The following MTR variants were observed in gnomAD, a reference collection of about 807,000 sequenced individuals.
MTR encodes 5-methyltetrahydrofolate-homocysteine methyltransferase, also known as methionine synthase.
In MTR, 84 loss-of-function variants were observed where a neutral mutation model predicts 154.8. That is an observed-to-expected ratio of 0.54 (90% CI 0.45 to 0.65). The LOEUF (loss-of-function observed/expected upper bound fraction) is 0.65. Ranked by LOEUF, MTR falls within the 30% of genes least tolerant of loss-of-function variation. The pLI is 0.00. For missense variants in MTR, 1,275 were observed against 1,570.2 expected (o/e 0.81, Z 3.18); for synonymous variants, 554 against 553.9 (o/e 1.00, Z 0.00).
In MTR at chr1:236,825,266, C is replaced by G; in HGVS notation, c.866-72C>G. 3 of 1,030,778 alleles carry G rather than the reference C, an allele frequency of 2.9e-6. No individual in the cohort carries two copies. The South Asian group carries it at 3.8e-5, about 13-fold the overall frequency. 63.9% of individuals were successfully genotyped at this position (1,030,778 alleles called of 1,614,324 possible). A position where few individuals can be genotyped will look rare whatever the true frequency, so the allele number is the denominator to read the frequency against. On this transcript the variant is annotated intron_variant, in intron 9 of 32. Transcript: ENST00000366577. ...AAATATAAAATTATATAGTTATTAACATAAAGTCTTTAAAAATACAGTGTA... is the reference window on the plus strand; with the variant it reads ...AAATATAAAATTATATAGTTATTAAGATAAAGTCTTTAAAAATACAGTGTA...
intron 18 of MTR, 85 bp downstream of exon 18, chr1:236,853,173 A>G: frequency 7.2e-7 from 1 of 1,396,324 alleles, no homozygotes; most frequent in Non-Finnish European, 1.0e-6. Context: ...TTCATGGTGG[A>G]ATAGAAGCAA....
Position 236,812,597 on chromosome 1 carries a change from T to G in MTR, c.503-141T>G, listed in dbSNP as rs564197066. On this transcript the variant is annotated intron_variant, in intron 5 of 32. Coordinates refer to ENST00000366577, the MANE Select transcript of MTR (RefSeq NM_000254.3). ...TCCCTGCCACCTTTCTTTATTTGGT[T>G]TCTTACAAAAGATCATGTTCTTAAA... 3.7e-4 allele frequency: 277 copies of G among 746,064 alleles called. No homozygotes were observed. In the African/African-American group the frequency reaches 4.5e-3, roughly 12 times the overall value. 46.2% of individuals were successfully genotyped at this position (746,064 alleles called of 1,614,324 possible).
chr1:236,896,675 A>G (rs1666642528), intron 31 of MTR, among the ~76,000 whole-genome samples: 1 of 152,200 alleles, frequency 6.6e-6, no homozygotes, highest in African/African-American at 2.4e-5. Flanking sequence ...CTCCAGGGGT[A>G]GAGCTCCTGC....
intron 15 of MTR, among the ~76,000 whole-genome samples, chr1:236,841,681 TTC>T (rs1663246424): frequency 6.6e-6 from 1 of 151,480 alleles, no homozygotes. Context: ...GTAGAGTGCA[TTC>T]TCTGATAGCT....
chr1:236,825,066 G>T (rs1396330675), intron 9 of MTR, among the ~76,000 whole-genome samples: 1 of 151,024 alleles, frequency 6.6e-6, no homozygotes, highest in Non-Finnish European at 1.5e-5. Flanking sequence ...GGGGTTGGGG[G>T]TATTCTGTTC....
At chr1:236,801,844 A>C (rs73129111) in intron 1 of MTR, among the ~76,000 whole-genome samples, 6,338 of 152,276 alleles carry the variant, frequency 0.042, 202 homozygotes, top group South Asian at 0.093. Flanking sequence ...ACTGGTTTAA[A>C]ATTGTTGTAT....
chr1:236,829,540 T>C (rs1168381111), intron 12 of MTR, among the ~76,000 whole-genome samples: 1 of 152,192 alleles, frequency 6.6e-6, no homozygotes, highest in East Asian at 1.9e-4. Flanking sequence ...CCTATCTTTA[T>C]TGTCCACTGT....
At chr1:236,803,746 T>C in intron 2 of MTR, 104 bp downstream of exon 2, 1 of 1,119,982 alleles carries the variant, frequency 8.9e-7, no homozygotes, top group Non-Finnish European at 1.3e-6. Flanking sequence ...GAATAAAGAA[T>C]AAAGAGGCAA....
rs1666935522 is a variant in MTR, at chr1:236,901,945, A to C, written c.*4301A>C. 6.6e-6 allele frequency: 1 copy of C among 152,180 alleles called. No individual in the cohort carries two copies. The highest frequency in any genetic ancestry group is 6.5e-5 in the Admixed American group (1 of 15,282). 9.4% of individuals were successfully genotyped at this position (152,180 alleles called of 1,614,324 possible). ...GCCCTGGCGATTTTACGCGCTAGATAGGTCTTAAGTTCATCTCTACGCCTG... is the reference window on the plus strand; with the variant it reads ...GCCCTGGCGATTTTACGCGCTAGATCGGTCTTAAGTTCATCTCTACGCCTG... On this transcript the variant is annotated 3_prime_UTR_variant, in exon 33 of 33. Transcript: ENST00000366577.
intron 22 of MTR, among the ~76,000 whole-genome samples, chr1:236,871,211 T>C (rs767006659): frequency 1.3e-5 from 2 of 152,152 alleles, no homozygotes; most frequent in Non-Finnish European, 2.9e-5. Flanking sequence ...AATCACAGTC[T>C]CTGGAAAATG....
intron 26 of MTR, among the ~76,000 whole-genome samples, chr1:236,885,788 A>T (rs1665979132): frequency 6.6e-6 from 1 of 152,150 alleles, no homozygotes; most frequent in South Asian, 2.1e-4. Context: ...CTTTGGTGGG[A>T]GCATTTTGGG....
intron 1 of MTR, among the ~76,000 whole-genome samples, chr1:236,798,046 AAGAG>A (rs1046160148): frequency 9.9e-5 from 15 of 152,280 alleles, no homozygotes; most frequent in African/African-American, 1.7e-4. Context: ...CCAAAAATGA[AAGAG>A]AGAAGTATCT....
chr1:236,838,041 G>A (rs1663008479), intron 14 of MTR, among the ~76,000 whole-genome samples: 1 of 152,126 alleles, frequency 6.6e-6, no homozygotes, highest in Non-Finnish European at 1.5e-5. Flanking sequence ...AAGGACACAA[G>A]GCTAAACCTT....
intron 16 of MTR, among the ~76,000 whole-genome samples, chr1:236,852,208 T>C (rs1319068514): frequency 1.3e-5 from 2 of 152,176 alleles, no homozygotes; most frequent in African/African-American, 4.8e-5. Context: ...GGAAGCCTTC[T>C]AGTAATTTGT....
intron 27 of MTR, among the ~76,000 whole-genome samples, chr1:236,888,079 A>C (rs538235756): frequency 6.6e-6 from 1 of 152,370 alleles, no homozygotes; most frequent in Non-Finnish European, 1.5e-5. Context: ...ACCGTGAACA[A>C]GTATGAAAAG....
intron 29 of MTR, among the ~76,000 whole-genome samples, chr1:236,891,674 C>T (rs890322300): frequency 2.6e-5 from 4 of 152,104 alleles, no homozygotes; most frequent in Admixed American, 6.5e-5. Context: ...TGTTCAAAAA[C>T]GTAGGTTAAT....
In MTR at chr1:236,897,936, A is replaced by C; in HGVS notation, c.*292A>C. The C allele has an allele frequency of 2.8e-6, 1 of 359,882 alleles. No individual in the cohort carries two copies. Among genetic ancestry groups the C allele is most frequent in the Non-Finnish European group, 5.0e-6 (1 of 199,168 alleles). 22.3% of individuals were successfully genotyped at this position (359,882 alleles called of 1,614,324 possible). ...ACAGACTGAAGACAGAGGTCGTTTG[A>C]TTTCAAAGCAAGTCAACCTGCTTTT... is the stretch of plus-strand genomic sequence containing the variant. On this transcript the variant is annotated 3_prime_UTR_variant, in exon 33 of 33. Coordinates refer to ENST00000366577, the MANE Select transcript of MTR (RefSeq NM_000254.3).
intron 16 of MTR, 51 bp downstream of exon 16, chr1:236,850,574 G>A (rs1186580371): frequency 6.6e-7 from 1 of 1,511,158 alleles, no homozygotes. Flanking sequence ...TTGTCCCATG[G>A]GTCTAATGAA....
chr1:236,819,940 G>A (rs1661824572), intron 8 of MTR: 26 of 1,078,516 alleles, frequency 2.4e-5, no homozygotes, highest in Non-Finnish European at 3.4e-5. Context: ...GTTGCTGGCC[G>A]CTTCACTTCT....
Sources: allele counts gnomAD v4.1 joint callset (sites outside exome capture counted in the v4.1 genomes callset), GRCh38; gene constraint gnomAD v4.1.1; transcripts MANE v1.5; gene names NCBI Gene and HGNC (gene_info 2026-07-23, HGNC 2026-07-21).